CRYZL1: variants seen among roughly 807,000 people sequenced by gnomAD.
CRYZL1 encodes the protein crystallin zeta like 1.
CRYZL1 carries 34 observed loss-of-function variants against 50.6 expected under a neutral mutation model. That is an observed-to-expected ratio of 0.67 (90% CI 0.51 to 0.89). CRYZL1 has a LOEUF of 0.89. Ranked by LOEUF, CRYZL1 falls within the 40% of genes least tolerant of loss-of-function variation. The probability of loss-of-function intolerance (pLI) is 0.00; values close to 1 mark genes in which losing one functional copy is unlikely to be tolerated. For missense variants in CRYZL1, 354 were observed against 402.3 expected, an observed-to-expected ratio of 0.88 and a Z score of 1.03; for synonymous variants, 125 against 134.3, an observed-to-expected ratio of 0.93 and a Z score of 0.48.
intron 6 of CRYZL1, among the ~76,000 whole-genome samples, chr21:33,611,876 T>C (rs2086876384): frequency 6.6e-6 from 1 of 152,224 alleles, no homozygotes; most frequent in Non-Finnish European, 1.5e-5. Flanking sequence ...TTGAACTGTA[T>C]ATAAATAAAT....
chr21:33,638,210 C>CTTTTT (rs569863892), intron 1 of CRYZL1, among the ~76,000 whole-genome samples: 2 of 126,804 alleles, frequency 1.6e-5, no homozygotes, highest in Non-Finnish European at 3.3e-5. Flanking sequence ...GTCAGGTCTG[C>CTTTTT]TTTTTTTTTT....
Position 33,594,624 on chromosome 21 carries a change from T to C in CRYZL1, c.904+1107A>G, listed in dbSNP as rs867238727. ...TCCTTAAAACTTAACACATGCAGTA[T>C]ACTAATTACGTAACTTTTTTTTTTT... On this transcript the variant is annotated intron_variant, in intron 11 of 12. Coordinates refer to ENST00000381554, the MANE Select transcript of CRYZL1 (RefSeq NM_145858.3). The C allele has an allele frequency of 3.3e-5, 5 of 151,192 alleles. No individual in the cohort carries two copies. In the Middle Eastern group the frequency reaches 0.01, roughly 317 times the overall value. The allele number at this position is 151,192 out of a possible 1,614,324, so 9.4% of individuals were successfully genotyped here.
At chr21:33,615,092 T>G (rs1031673616) in intron 5 of CRYZL1, among the ~76,000 whole-genome samples, 7 of 152,066 alleles carry the variant, frequency 4.6e-5, no homozygotes, top group African/African-American at 1.4e-4. Context: ...CTTTAAGAAT[T>G]TCAAGCATGC....
At position 33,597,303 on chromosome 21, in the gene CRYZL1, C is replaced by T; in HGVS notation, c.775G>A (p.Val259Ile). 1 of 1,613,186 alleles carries T rather than the reference C, an allele frequency of 6.2e-7. No homozygotes were observed. The highest frequency in any genetic ancestry group is 8.5e-7 in the Non-Finnish European group (1 of 1,179,294). The change falls in exon 10 of 13, where the codon GTA becomes ATA. Residue 259 changes from valine to isoleucine, a missense_variant. Physicochemically the swap from Val to Ile is conservative, Grantham distance 29. Coordinates refer to ENST00000381554, the MANE Select transcript of CRYZL1 (RefSeq NM_145858.3). ...ITLLGVGGHW[V>I]TTEENLQLDP... ...ACCTGAAGGTTTTCTTCTGTTGTTA[C>T]CCAGTGGCCTCCAACACCAAGAAGT...
chr21:33,631,533 G>T lies in CRYZL1; in HGVS notation c.19C>A (p.Gln7Lys). The T allele has an allele frequency of 6.6e-7, 1 of 1,508,472 alleles. No individual in the cohort carries two copies. The highest frequency in any genetic ancestry group is 1.4e-5 in the South Asian group (1 of 73,418). The allele number at this position is 1,508,472 out of a possible 1,614,324, so 93.4% of individuals were successfully genotyped here. A position where few individuals can be genotyped will look rare whatever the true frequency, so the allele number is the denominator to read the frequency against. MKGLYFQQSSTDEEITF... is the reference protein window; with the variant it reads MKGLYFKQSSTDEEITF... ...ATTTCTTCATCTGTGGAACTCTGTT[G>T]GAAATATAAGCCTTTCATAGTCACC... Residue 7 changes from glutamine (Q) to lysine (K), a missense_variant, in exon 2 of 13, where the codon CAA becomes AAA. Physicochemically the swap from Gln to Lys is moderately conservative, Grantham distance 53. Transcript: ENST00000381554.
intron 5 of CRYZL1, among the ~76,000 whole-genome samples, chr21:33,614,410 G>A (rs1416590345): frequency 6.6e-6 from 1 of 152,034 alleles, no homozygotes; most frequent in Non-Finnish European, 1.5e-5. Flanking sequence ...GACTGCTTGA[G>A]TCCAGGAGTT....
intron 5 of CRYZL1, among the ~76,000 whole-genome samples, chr21:33,613,980 G>A (rs1247683670): frequency 6.6e-6 from 1 of 152,052 alleles, no homozygotes; most frequent in Non-Finnish European, 1.5e-5. Context: ...AGACCAGCCT[G>A]GCCAACATGG....
chr21:33,637,219 G>C (rs1317020137), intron 1 of CRYZL1, among the ~76,000 whole-genome samples: 1 of 152,112 alleles, frequency 6.6e-6, no homozygotes, highest in Admixed American at 6.5e-5. Context: ...GCCGAGGCGG[G>C]CGGATCACGA....
chr21:33,630,590 A>T (rs78217575), intron 2 of CRYZL1, among the ~76,000 whole-genome samples: 3 of 129,836 alleles, frequency 2.3e-5, no homozygotes, highest in African/African-American at 8.1e-5. Flanking sequence ...TGTCGCAATT[A>T]AAAAAAAAAA....
chr21:33,617,122 TTCTTG>T (rs1369063642), intron 4 of CRYZL1: 1 of 160,690 alleles, frequency 6.2e-6, no homozygotes, highest in Admixed American at 6.5e-5. Flanking sequence ...GTTCAAGTGA[TTCTTG>T]TGCCCCAGCC....
intron 9 of CRYZL1, among the ~76,000 whole-genome samples, chr21:33,598,472 G>C (rs1303785130): frequency 6.6e-6 from 1 of 152,214 alleles, no homozygotes; most frequent in Admixed American, 6.5e-5. Context: ...TGTGTTCAGA[G>C]TAAGTGTTAA....
intron 6 of CRYZL1, among the ~76,000 whole-genome samples, chr21:33,610,038 G>A (rs1214168899): frequency 2.0e-5 from 3 of 149,370 alleles, no homozygotes. Context: ...TTATTTGCTG[G>A]TAGAGACAAG....
rs1278325483 is a variant in CRYZL1, at chr21:33,629,582, C to T, written c.66+1904G>A. On this transcript the variant is annotated intron_variant, in intron 2 of 12. Transcript: ENST00000381554. ...CCAGCCTCCTACTGATTTTTTATTT[C>T]GTATCCTATAACTTTACTGATTCAT... 2.6e-5 allele frequency among the ~76,000 whole-genome samples: 4 copies of T among 152,204 alleles called. No individual in the cohort carries two copies. The South Asian group carries it at 6.2e-4, about 24-fold the overall frequency.
rs566633072 is a variant in CRYZL1 at position 33,591,376 on chromosome 21, A to G, written c.905-169T>C. The G allele has an allele frequency of 2.6e-5, 16 of 619,974 alleles. No individual in the cohort carries two copies. The South Asian group carries it at 3.1e-4, about 12-fold the overall frequency. The allele number at this position is 619,974 out of a possible 1,614,324, so 38.4% of individuals were successfully genotyped here. On this transcript the variant is annotated intron_variant, in intron 11 of 12. Transcript: ENST00000381554. ...TGTAGGACGTCAAGTTTAGCTCTAC[A>G]ACAGGGAAATGATTTGAGAGTTGGT...
rs754034550 is a variant in CRYZL1 at position 33,597,346 on chromosome 21, A to C, written c.732T>G (p.His244Gln). Residue 244 changes from histidine (H) to glutamine (Q), a missense_variant, in exon 10 of 13, where the codon CAT becomes CAG. By Grantham distance (24) the His-to-Gln change is conservative (BLOSUM62 0). Transcript: ENST00000381554. ...EPAVKLQLLPHKHDIITLLGV... is the reference protein window; with the variant it reads ...EPAVKLQLLPQKHDIITLLGV... ...CAAGAAGTGTGATGATATCATGTTT[A>C]TGTGGTAGTAGTTGTAGTTTTACAG... 1.9e-6 allele frequency: 3 copies of C among 1,608,588 alleles called. No homozygotes were observed. In the African/African-American group the frequency reaches 4.0e-5, roughly 22 times the overall value.
chr21:33,617,481 G>A (rs935657832), intron 4 of CRYZL1, among the ~76,000 whole-genome samples: 39 of 152,180 alleles, frequency 2.6e-4, no homozygotes, highest in African/African-American at 9.4e-4. Flanking sequence ...AGCAGGACAA[G>A]CCGCAGACAA....
intron 3 of CRYZL1, among the ~76,000 whole-genome samples, chr21:33,622,718 C>T (rs940006155): frequency 6.6e-6 from 1 of 152,042 alleles, no homozygotes; most frequent in African/African-American, 2.4e-5. Flanking sequence ...GTCTTTAAGC[C>T]CGTGGTTTAA....
At chr21:33,619,516 G>T (rs747924843) in intron 4 of CRYZL1, among the ~76,000 whole-genome samples, 2 of 152,118 alleles carry the variant, frequency 1.3e-5, no homozygotes, top group Non-Finnish European at 2.9e-5. Context: ...AAAGTATTTT[G>T]TACAATATCT....
intron 1 of CRYZL1, among the ~76,000 whole-genome samples, chr21:33,639,544 ACT>A (rs2087251693): frequency 6.6e-6 from 1 of 151,474 alleles, no homozygotes; most frequent in South Asian, 2.1e-4. Context: ...TCCTCCCGAA[ACT>A]CTACCACACA....
Sources: allele counts gnomAD v4.1 joint callset (sites outside exome capture counted in the v4.1 genomes callset), GRCh38; gene constraint gnomAD v4.1.1; transcripts MANE v1.5; gene names NCBI Gene and HGNC (gene_info 2026-07-23, HGNC 2026-07-21).